Variants in TENM1 observed in about 807,000 individuals in gnomAD.
TENM1 encodes the protein teneurin transmembrane protein 1.
TENM1 carries 35 observed loss-of-function variants against 174.8 expected under a neutral mutation model. That is an observed-to-expected ratio of 0.20 (90% CI 0.15 to 0.27). The LOEUF (loss-of-function observed/expected upper bound fraction) is 0.27. Ranked by LOEUF, TENM1 falls within the 10% of genes least tolerant of loss-of-function variation. TENM1 has a pLI of 1.00. For missense variants in TENM1, 1,633 were observed against 2,130.1 expected, an observed-to-expected ratio of 0.77 and a Z score of 4.59; for synonymous variants, 781 against 798.7, an observed-to-expected ratio of 0.98 and a Z score of 0.37.
At chrX:125,130,327 A>AAT in the TENM1 span, among the ~76,000 whole-genome samples, 1 of 111,186 alleles carries the variant, frequency 9.0e-6, no homozygotes, top group East Asian at 2.8e-4. Context: ...ATTTTTCTAA[A>AAT]ATATTATACT....
chrX:124,924,698 T>C (rs2058068714), intron 1 of TENM1, among the ~76,000 whole-genome samples: 1 of 111,933 alleles, frequency 8.9e-6, no homozygotes, highest in African/African-American at 3.2e-5. Flanking sequence ...CTTTTTGAAG[T>C]GGTTTTGTTT....
At chrX:124,911,007 G>A (rs1331919573) in intron 1 of TENM1, among the ~76,000 whole-genome samples, 3 of 109,170 alleles carry the variant, frequency 2.7e-5, no homozygotes, top group Admixed American at 2.0e-4. Flanking sequence ...CTTTGACCTC[G>A]TGGGCTTAAG....
chrX:124,828,842 A>C (rs1475820451), intron 3 of TENM1, among the ~76,000 whole-genome samples: 2 of 112,320 alleles, frequency 1.8e-5, no homozygotes, highest in Non-Finnish European at 3.8e-5. Flanking sequence ...GAAAGATGCA[A>C]AATGCATCCT....
At chrX:124,609,095 T>C (rs889739383) in intron 11 of TENM1, among the ~76,000 whole-genome samples, 5 of 111,016 alleles carry the variant, frequency 4.5e-5, no homozygotes, top group African/African-American at 1.3e-4. Context: ...TACCCAACCA[T>C]GATATAGGTG....
intron 4 of TENM1, among the ~76,000 whole-genome samples, chrX:124,726,657 T>C (rs1242762424): frequency 2.7e-5 from 3 of 111,623 alleles, no homozygotes; most frequent in Non-Finnish European, 3.8e-5. Flanking sequence ...GCACTGCATA[T>C]GTACATTTTG....
intron 1 of TENM1, among the ~76,000 whole-genome samples, chrX:124,924,807 C>T (rs972736495): frequency 5.4e-5 from 6 of 111,151 alleles, no homozygotes; most frequent in African/African-American, 1.6e-4. Context: ...TGTGGCTGGA[C>T]GAGGAAGGAG....
intron 13 of TENM1, among the ~76,000 whole-genome samples, chrX:124,563,063 A>C (rs761519674): frequency 8.9e-6 from 1 of 111,910 alleles, no homozygotes; most frequent in Non-Finnish European, 1.9e-5. Flanking sequence ...ATAAACATAC[A>C]TAGGTTTGAG....
chrX:125,050,233 C>A, the TENM1 span, among the ~76,000 whole-genome samples: 7 of 109,427 alleles, frequency 6.4e-5, no homozygotes, highest in Non-Finnish European at 1.3e-4. Context: ...CATATGTATA[C>A]ATGTGCCACA....
the TENM1 span, among the ~76,000 whole-genome samples, chrX:125,180,825 C>A: frequency 9.0e-6 from 1 of 111,470 alleles, no homozygotes; most frequent in Non-Finnish European, 1.9e-5. Context: ...CCTAAGAGAC[C>A]AGGGTATTTG....
chrX:124,671,764 T>C, exon 6 of TENM1: 1 of 1,210,972 alleles, frequency 8.3e-7, no homozygotes, highest in Non-Finnish European at 1.1e-6. Flanking sequence ...CTGTTCCCTT[T>C]GCTAACTCCA....
chrX:124,576,788 T>G (rs1372211739), intron 11 of TENM1, among the ~76,000 whole-genome samples: 2 of 111,971 alleles, frequency 1.8e-5, no homozygotes, highest in East Asian at 5.6e-4. Context: ...TTTTTCTCCC[T>G]TTTATGAATG....
chrX:124,564,773 T>G (rs1050249034), intron 12 of TENM1, among the ~76,000 whole-genome samples: 2 of 111,981 alleles, frequency 1.8e-5, no homozygotes, highest in East Asian at 2.8e-4. Flanking sequence ...TTTTCCATAT[T>G]CACAGATCAT....
At chrX:124,849,565 T>C (rs1242452040) in intron 3 of TENM1, among the ~76,000 whole-genome samples, 1 of 101,618 alleles carries the variant, frequency 9.8e-6, no homozygotes, top group Non-Finnish European at 1.9e-5. Context: ...AACAAGAAAA[T>C]AGAAACTTCA....
the TENM1 span, among the ~76,000 whole-genome samples, chrX:125,078,794 A>T: frequency 2.7e-5 from 3 of 111,962 alleles, no homozygotes; most frequent in Admixed American, 2.8e-4. Flanking sequence ...ATAAAACATG[A>T]GCATTGACAT....
At chrX:125,086,469 C>T in the TENM1 span, among the ~76,000 whole-genome samples, 1 of 110,726 alleles carries the variant, frequency 9.0e-6, no homozygotes, top group African/African-American at 3.3e-5. Flanking sequence ...TGTATGTCTC[C>T]ATTTATTCAA....
chrX:125,153,342 A>T, the TENM1 span, among the ~76,000 whole-genome samples: 41 of 112,114 alleles, frequency 3.7e-4, no homozygotes, highest in Admixed American at 9.4e-4. Context: ...ACACATGTAA[A>T]CGTAAATAAT....
chrX:124,756,383 A>C (rs1438260224), intron 3 of TENM1, among the ~76,000 whole-genome samples: 9 of 97,418 alleles, frequency 9.2e-5, no homozygotes, highest in African/African-American at 2.5e-4. Context: ...TTCTAGTTAT[A>C]CATTCGTCTA....
chrX:124,843,163 A>T (rs1441644829), intron 3 of TENM1, among the ~76,000 whole-genome samples: 1 of 111,781 alleles, frequency 8.9e-6, no homozygotes, highest in Non-Finnish European at 1.9e-5. Context: ...GGGTATTTTT[A>T]TTGGCACATC....
At position 124,904,070 on chromosome X, in the gene TENM1, CGTGTGTGTGTGT is replaced by C. The variant is rs751117785; in HGVS notation, c.218-7841_218-7830del. On this transcript the variant is annotated intron_variant, in intron 1 of 31. Coordinates refer to ENST00000422452, the Ensembl canonical transcript of TENM1. ...TGGTCAATGGGTGCGTGTGTGTGTG[CGTGTGTGTGTGT>C]GTCTGAAATTTTAAACTACATCAAT... 4.4e-4 allele frequency among the ~76,000 whole-genome samples: 48 copies of C among 108,471 alleles called. No homozygotes were observed. In the South Asian group the frequency reaches 0.018, roughly 41 times the overall value. The allele number at this position is 108,471 out of a possible 115,157, so 94.2% of individuals were successfully genotyped here.
Sources: allele counts gnomAD v4.1 joint callset (sites outside exome capture counted in the v4.1 genomes callset), GRCh38; gene constraint gnomAD v4.1.1; transcripts MANE v1.5; gene names NCBI Gene and HGNC (gene_info 2026-07-23, HGNC 2026-07-21).